Variants in ACBD6 observed in about 807,000 individuals in gnomAD.
ACBD6 encodes acyl-CoA binding domain containing 6.
Under a neutral mutation model 37.2 loss-of-function variants are expected in ACBD6, and 28 were observed. The ratio of observed to expected loss-of-function variants is 0.75; its 90% confidence interval spans 0.56 to 1.03. The LOEUF (loss-of-function observed/expected upper bound fraction) is 1.03, where lower values mean the gene tolerates loss of function less well. Ranked by LOEUF, ACBD6 falls within the 50% of genes least tolerant of loss-of-function variation. ACBD6 has a pLI of 0.00. For missense variants in ACBD6, 340 were observed against 337.4 expected (o/e 1.01, Z -0.06); for synonymous variants, 113 against 126.8 (o/e 0.89, Z 0.73).
intron 3 of ACBD6, among the ~76,000 whole-genome samples, chr1:180,445,061 TGC>T (rs1649426762): frequency 6.6e-6 from 1 of 152,214 alleles, no homozygotes; most frequent in Non-Finnish European, 1.5e-5. Flanking sequence ...TCTACTTCTT[TGC>T]CTCAGTTTCC....
At chr1:180,274,260 TAATG>T (rs764863971) in intron 10 of ACBD6, 1 of 1,614,240 alleles carries the variant, frequency 6.2e-7, no homozygotes. Flanking sequence ...GGCGGACAGT[TAATG>T]AATGGGAGCT....
intron 3 of ACBD6, among the ~76,000 whole-genome samples, chr1:180,459,891 A>G (rs925692519): frequency 2.0e-5 from 3 of 149,790 alleles, no homozygotes; most frequent in African/African-American, 7.3e-5. Flanking sequence ...GGCTTAGGGG[A>G]GTCCGAACCA....
rs373424685 is a variant in ACBD6, at chr1:180,434,684, G to A, written c.385-4422C>T. 7.2e-6 allele frequency: 3 copies of A among 415,916 alleles called. No homozygotes were observed. In the East Asian group the frequency reaches 1.5e-4, roughly 21 times the overall value. The allele number at this position is 415,916 out of a possible 1,614,324, so 25.8% of individuals were successfully genotyped here. ...TCTACCTATGATAAGTCACTGCTTC[G>A]AGTTGTCCTGTCTTTCCAAACCAAA... On this transcript the variant is annotated intron_variant, in intron 3 of 7. Coordinates refer to ENST00000367595, the MANE Select transcript of ACBD6 (RefSeq NM_032360.4).
At chr1:180,447,819 C>G (rs1649530649) in intron 3 of ACBD6, among the ~76,000 whole-genome samples, 1 of 151,086 alleles carries the variant, frequency 6.6e-6, no homozygotes, top group Non-Finnish European at 1.5e-5. Flanking sequence ...CAAAAATAAA[C>G]AGGAAAAGAA....
chr1:180,307,282 T>C (rs1558242744), intron 7 of ACBD6, among the ~76,000 whole-genome samples: 1 of 152,286 alleles, frequency 6.6e-6, no homozygotes, highest in East Asian at 1.9e-4. Flanking sequence ...ATATTCTCAC[T>C]TATTTGTGGG....
At chr1:180,454,622 T>C (rs1215203796) in intron 3 of ACBD6, among the ~76,000 whole-genome samples, 3 of 151,880 alleles carry the variant, frequency 2.0e-5, no homozygotes, top group Admixed American at 2.0e-4. Flanking sequence ...TTGCAATCTA[T>C]CCATCTGACA....
At chr1:180,401,994 T>C (rs1273649668) in intron 5 of ACBD6, among the ~76,000 whole-genome samples, 1 of 152,192 alleles carries the variant, frequency 6.6e-6, no homozygotes, top group Admixed American at 6.5e-5. Context: ...ATATAGTATA[T>C]GGTATGGTAC....
At chr1:180,351,203 T>C (rs759259244) in intron 6 of ACBD6, among the ~76,000 whole-genome samples, 1 of 152,124 alleles carries the variant, frequency 6.6e-6, no homozygotes, top group Non-Finnish European at 1.5e-5. Flanking sequence ...TAGACATCTT[T>C]ATGTCATTCT....
chr1:180,301,401 T>A (rs952255072), intron 7 of ACBD6, among the ~76,000 whole-genome samples: 2 of 135,344 alleles, frequency 1.5e-5, no homozygotes, highest in African/African-American at 2.4e-5. Context: ...AGTTAACACA[T>A]ATTTTGTATG....
intron 1 of ACBD6, among the ~76,000 whole-genome samples, chr1:180,498,577 G>C (rs964200801): frequency 6.6e-6 from 1 of 152,152 alleles, no homozygotes; most frequent in Non-Finnish European, 1.5e-5. Flanking sequence ...GTAGTATTAA[G>C]GCACGGTGGC....
rs575165776 is a variant in ACBD6 at position 180,415,104 on chromosome 1, A to C, written c.468-1633T>G. Among the ~76,000 whole-genome samples, 590 of 151,852 alleles carry C rather than the reference A, an allele frequency of 3.9e-3. 5 individuals carry two copies. The highest frequency in any genetic ancestry group is 0.014 in the African/African-American group (560 of 41,394). ...AAAAATAAAAAAAACAAAAACAAAAACAAAAAACAAACAAACAAAAAAAAC... is the reference window on the plus strand; with the variant it reads ...AAAAATAAAAAAAACAAAAACAAAACCAAAAAACAAACAAACAAAAAAAAC... On this transcript the variant is annotated intron_variant, in intron 4 of 7. Coordinates refer to ENST00000367595, the MANE Select transcript of ACBD6 (RefSeq NM_032360.4).
At position 180,502,238 on chromosome 1, in the gene ACBD6, G is replaced by T; in HGVS notation, c.29C>A (p.Ala10Asp). ...CTCTCCACCGCTGTCGCCGGTGATG[G>T]CCCCCGCGGGCAGGAATGATGAAGC... The part of the protein sequence containing the change: MASSFLPAG[A>D]ITGDSGGELS... The change falls in exon 1 of 8, where the codon GCC becomes GAC. Residue 10 changes from alanine to aspartate, a missense_variant. Transcript: ENST00000367595. 6.2e-7 allele frequency: 1 copy of T among 1,613,640 alleles called. No individual in the cohort carries two copies.
downstream of ACBD6, among the ~76,000 whole-genome samples, chr1:180,284,681 C>T (rs1047272307): frequency 6.6e-6 from 1 of 152,010 alleles, no homozygotes; most frequent in Admixed American, 6.5e-5. Context: ...ATATTAAGGT[C>T]TTTATGGTAT....
chr1:180,500,774 T>G (rs865839194), intron 1 of ACBD6, among the ~76,000 whole-genome samples: 20 of 147,738 alleles, frequency 1.4e-4, no homozygotes, highest in African/African-American at 5.0e-4. Context: ...GTGGATCGTC[T>G]GAGCTCAGGA....
At position 180,445,654 on chromosome 1, in the gene ACBD6, G is replaced by C. The variant is rs79409618; in HGVS notation, c.385-15392C>G. On this transcript the variant is annotated intron_variant, in intron 3 of 7. Transcript: ENST00000367595. ...TCTGCCTTAGATTTGGCCAGGTGCAGTGGCTCATGCCTTTAATTCCAGCAC... is the reference window on the plus strand; with the variant it reads ...TCTGCCTTAGATTTGGCCAGGTGCACTGGCTCATGCCTTTAATTCCAGCAC... Among the ~76,000 whole-genome samples, 1,016 of 152,290 alleles carry C rather than the reference G, an allele frequency of 6.7e-3. 16 individuals are homozygous for C. Among genetic ancestry groups the C allele is most frequent in the African/African-American group, 0.023 (970 of 41,560 alleles).
chr1:180,465,054 T>C (rs1399560978), intron 3 of ACBD6, among the ~76,000 whole-genome samples: 2 of 152,086 alleles, frequency 1.3e-5, no homozygotes, highest in Admixed American at 6.6e-5. Context: ...AAAACTTAAA[T>C]GTAAAACCCA....
chr1:180,460,392 C>G (rs1650095514), intron 3 of ACBD6, among the ~76,000 whole-genome samples: 1 of 151,986 alleles, frequency 6.6e-6, no homozygotes, highest in Non-Finnish European at 1.5e-5. Context: ...GAAACGGTAC[C>G]CCAGCACAGC....
intron 6 of ACBD6, among the ~76,000 whole-genome samples, chr1:180,387,982 T>C (rs1296559651): frequency 6.6e-6 from 1 of 151,578 alleles, no homozygotes; most frequent in Non-Finnish European, 1.5e-5. Flanking sequence ...GAGACCATCC[T>C]GGTTAACATG....
At chr1:180,326,866 T>A (rs1389709337) in intron 6 of ACBD6, among the ~76,000 whole-genome samples, 1 of 152,062 alleles carries the variant, frequency 6.6e-6, no homozygotes, top group Non-Finnish European at 1.5e-5. Context: ...GGCCGTGGAA[T>A]GGGGGCTTCA....
Sources: allele counts gnomAD v4.1 joint callset (sites outside exome capture counted in the v4.1 genomes callset), GRCh38; gene constraint gnomAD v4.1.1; transcripts MANE v1.5; gene names NCBI Gene and HGNC (gene_info 2026-07-23, HGNC 2026-07-21).